Variants in MED12L observed in about 807,000 individuals in gnomAD.
MED12L encodes mediator of RNA polymerase II transcription subunit 12-like protein.
A neutral mutation model predicts 281.3 loss-of-function variants in MED12L; 60 were observed. The observed-to-expected ratio is 0.21, with a 90% CI of 0.17 to 0.26. The LOEUF (loss-of-function observed/expected upper bound fraction) is 0.26. MED12L is among the 10% of genes least tolerant of loss of function. The pLI, the probability that MED12L is intolerant of heterozygous loss-of-function variation, is 1.00. For missense variants in MED12L, 2,146 were observed against 2,680.9 expected (o/e 0.80, Z 4.41); for synonymous variants, 974 against 987.2 (o/e 0.99, Z 0.25).
intron 2 of MED12L, among the ~76,000 whole-genome samples, chr3:151,098,600 A>G (rs1721024892): frequency 6.6e-6 from 1 of 152,058 alleles, no homozygotes; most frequent in Admixed American, 6.5e-5. Context: ...TCCACTTTAC[A>G]TGGTCTTCCT....
In MED12L at chr3:151,264,675, A is replaced by T. The variant is rs147725890; in HGVS notation, c.2250+71009A>T. 5.1e-3 allele frequency among the ~76,000 whole-genome samples: 770 copies of T among 152,316 alleles called. 12 individuals are homozygous for T. The highest frequency in any genetic ancestry group is 0.017 in the African/African-American group (718 of 41,562). On this transcript the variant is annotated intron_variant, in intron 16 of 44. Coordinates refer to ENST00000687756, the MANE Select transcript of MED12L (RefSeq NM_001393769.1). ...GAGCAGGAGCCTCCTGTGACCTTCC[A>T]GCCTGTGCCCCCTACCCCAGCCAGC...
In MED12L at chr3:151,434,860, T is replaced by A. The variant is rs1208803575; in HGVS notation, c.*2056T>A. On this transcript the variant is annotated 3_prime_UTR_variant, in exon 45 of 45. Transcript: ENST00000687756. ...ACTTTGCAGAGGTGAGTTAAATTATTAATCATTTTGCACATGAAAGCTGTG... is the reference window on the plus strand; with the variant it reads ...ACTTTGCAGAGGTGAGTTAAATTATAAATCATTTTGCACATGAAAGCTGTG... 6.6e-6 allele frequency: 1 copy of A among 152,252 alleles called. No homozygotes were observed. Among genetic ancestry groups the A allele is most frequent in the African/African-American group, 2.4e-5 (1 of 41,474 alleles). 9.4% of individuals were successfully genotyped at this position (152,252 alleles called of 1,614,324 possible). A position where few individuals can be genotyped will look rare whatever the true frequency, so the allele number is the denominator to read the frequency against.
Position 151,185,474 on chromosome 3 carries a change from T to G in MED12L, c.1626+13T>G. On this transcript the variant is annotated intron_variant, in intron 12 of 44. Coordinates refer to ENST00000687756, the MANE Select transcript of MED12L (RefSeq NM_001393769.1). ...AATTGAGGCAGAGGTAGGTTCCATT[T>G]TCTTTCTGCTTGTTGAATGCCGTAA... 2 of 1,613,412 alleles carry G rather than the reference T, an allele frequency of 1.2e-6. No individual in the cohort carries two copies. Among genetic ancestry groups the G allele is most frequent in the Non-Finnish European group, 1.7e-6 (2 of 1,179,694 alleles).
intron 16 of MED12L, among the ~76,000 whole-genome samples, chr3:151,275,722 A>C (rs1267009235): frequency 6.6e-6 from 1 of 152,204 alleles, no homozygotes; most frequent in Non-Finnish European, 1.5e-5. Flanking sequence ...CAGAAAATTT[A>C]GTAAAGAGGG....
intron 21 of MED12L, among the ~76,000 whole-genome samples, chr3:151,362,365 CTG>C (rs1754717991): frequency 6.6e-6 from 1 of 152,082 alleles, no homozygotes; most frequent in Non-Finnish European, 1.5e-5. Flanking sequence ...CCCTTTCCCT[CTG>C]TTTATTGTGG....
chr3:151,294,448 TAGAA>T, intron 16 of MED12L: 2 of 1,614,224 alleles, frequency 1.2e-6, no homozygotes, highest in Non-Finnish European at 1.7e-6. Context: ...AGTGATATGG[TAGAA>T]AGCAGGTAAA....
rs1241850651 is a variant in MED12L at position 151,365,830 on chromosome 3, GTCT to G, written c.3186-15_3186-13del. 5 of 1,587,790 alleles carry G rather than the reference GTCT, an allele frequency of 3.1e-6. No individual in the cohort carries two copies. The East Asian group carries it at 6.7e-5, about 21-fold the overall frequency. ...TCTTTTGTACAAGGTTACTTTCTGT[GTCT>G]TCTTTTTCTTTTCTAGGATTAACGA... is the stretch of plus-strand genomic sequence containing the variant. On this transcript the variant is annotated splice_polypyrimidine_tract_variant and intron_variant, in intron 22 of 44. Transcript: ENST00000687756.
chr3:151,088,616 A>G (rs534429214), intron 2 of MED12L, among the ~76,000 whole-genome samples: 5 of 152,260 alleles, frequency 3.3e-5, no homozygotes, highest in Admixed American at 2.6e-4. Context: ...CTTCAGGCCA[A>G]TGCTCATTTC....
intron 2 of MED12L, among the ~76,000 whole-genome samples, chr3:151,093,516 T>G (rs1292369181): frequency 6.6e-6 from 1 of 152,236 alleles, no homozygotes; most frequent in East Asian, 1.9e-4. Flanking sequence ...GCCCTTGATT[T>G]GATATATTAG....
intron 43 of MED12L, among the ~76,000 whole-genome samples, chr3:151,417,487 C>CCTTTTTT (rs1717736742): frequency 2.5e-5 from 2 of 78,816 alleles, no homozygotes; most frequent in Admixed American, 1.7e-4. Flanking sequence ...CCCCCCCCGC[C>CCTTTTTT]TTTTTTTTTT....
At chr3:151,090,431 C>T (rs1719876121) in intron 2 of MED12L, among the ~76,000 whole-genome samples, 1 of 152,148 alleles carries the variant, frequency 6.6e-6, no homozygotes, top group Non-Finnish European at 1.5e-5. Flanking sequence ...TACTTATTTG[C>T]ATCTTGCCAT....
chr3:151,288,352 A>AT (rs1415144879), intron 16 of MED12L, among the ~76,000 whole-genome samples: 8 of 152,120 alleles, frequency 5.3e-5, no homozygotes, highest in Non-Finnish European at 1.0e-4. Flanking sequence ...ATATAAATGT[A>AT]TTTTTTCTGG....
chr3:151,228,714 A>G (rs573289219), intron 16 of MED12L, among the ~76,000 whole-genome samples: 180 of 152,256 alleles, frequency 1.2e-3, no homozygotes, highest in Non-Finnish European at 1.4e-3. Flanking sequence ...TCCCTACACA[A>G]TGCTAATCTT....
intron 23 of MED12L, 63 bp downstream of exon 23, chr3:151,366,054 C>G: frequency 3.0e-6 from 4 of 1,323,854 alleles, no homozygotes; most frequent in Middle Eastern, 2.0e-4. Context: ...AGTGGGTAAT[C>G]TTTTTGCTTT....
chr3:151,310,923 T>C (rs1004970121), intron 16 of MED12L, among the ~76,000 whole-genome samples: 3 of 152,136 alleles, frequency 2.0e-5, no homozygotes, highest in African/African-American at 7.2e-5. Context: ...AGATAGGAGC[T>C]GGGGTGGGGA....
intron 16 of MED12L, among the ~76,000 whole-genome samples, chr3:151,319,747 A>G (rs1748767568): frequency 6.6e-6 from 1 of 152,130 alleles, no homozygotes; most frequent in Admixed American, 6.5e-5. Flanking sequence ...TTATTTATGA[A>G]TCATCATGAA....
intron 5 of MED12L, among the ~76,000 whole-genome samples, chr3:151,150,033 C>T (rs1718246934): frequency 6.6e-6 from 1 of 152,152 alleles, no homozygotes; most frequent in Non-Finnish European, 1.5e-5. Context: ...CTTACAAACT[C>T]CTATGGAAGT....
intron 16 of MED12L, among the ~76,000 whole-genome samples, chr3:151,216,487 T>C (rs1728249240): frequency 6.6e-6 from 1 of 152,244 alleles, no homozygotes; most frequent in Non-Finnish European, 1.5e-5. Flanking sequence ...TGTGTGCTGC[T>C]TCCTACACAA....
intron 39 of MED12L, among the ~76,000 whole-genome samples, chr3:151,404,857 A>T (rs1011849693): frequency 1.3e-5 from 2 of 152,228 alleles, no homozygotes; most frequent in Admixed American, 1.3e-4. Flanking sequence ...ACTGATTGCT[A>T]ATTGGAGGTA....
Sources: gnomAD v4.1 joint callset for allele counts (sites outside exome capture counted in the v4.1 genomes callset) on GRCh38, gnomAD v4.1.1 for gene constraint, MANE v1.5 for transcripts, NCBI Gene and HGNC (gene_info 2026-07-23, HGNC 2026-07-21) for gene names.